The following PRKCE variants were observed in gnomAD, a reference collection of about 807,000 sequenced individuals.
PRKCE encodes protein kinase C epsilon.
PRKCE carries 16 observed loss-of-function variants against 85.4 expected under a neutral mutation model. That is an observed-to-expected ratio of 0.19 (90% confidence interval 0.13 to 0.28). PRKCE has a LOEUF of 0.28. Ranked by LOEUF, PRKCE falls within the 10% of genes least tolerant of loss-of-function variation. The pLI is 1.00. For missense variants in PRKCE, 573 were observed against 975.2 expected (o/e 0.59, Z 5.49); for synonymous variants, 388 against 371.5 (o/e 1.04, Z -0.51).
chr2:45,752,389 C>T (rs1440645026), intron 1 of PRKCE, among the ~76,000 whole-genome samples: 1 of 152,218 alleles, frequency 6.6e-6, no homozygotes, highest in Non-Finnish European at 1.5e-5. Flanking sequence ...CAACCCTGTG[C>T]TGAACTGCTT....
At chr2:45,660,210 C>T (rs146938723) in intron 1 of PRKCE, among the ~76,000 whole-genome samples, 216 of 152,122 alleles carry the variant, frequency 1.4e-3, no homozygotes, top group Non-Finnish European at 1.7e-3. Context: ...TCGATAGAAA[C>T]CAGTTGAATG....
intron 10 of PRKCE, among the ~76,000 whole-genome samples, chr2:46,012,478 C>A (rs1208395496): frequency 1.3e-5 from 2 of 152,178 alleles, no homozygotes; most frequent in African/African-American, 4.8e-5. Flanking sequence ...TTGCTAGTTT[C>A]TTGTGCCTGA....
At chr2:45,676,192 C>T (rs1388630751) in intron 1 of PRKCE, 2 of 152,164 alleles carry the variant, frequency 1.3e-5, no homozygotes, top group Non-Finnish European at 2.9e-5. Context: ...TGGTAAGTTT[C>T]CCAGTCTCAA....
At chr2:45,936,792 G>A (rs1267783424) in intron 2 of PRKCE, among the ~76,000 whole-genome samples, 1 of 152,212 alleles carries the variant, frequency 6.6e-6, no homozygotes, top group African/African-American at 2.4e-5. Flanking sequence ...TTTTCCACTG[G>A]TGTAGGGAAT....
chr2:45,698,557 A>G (rs1431247907), intron 1 of PRKCE, among the ~76,000 whole-genome samples: 2 of 151,730 alleles, frequency 1.3e-5, no homozygotes, highest in African/African-American at 4.9e-5. Flanking sequence ...GTTGCAAACA[A>G]CAGTGAGCAC....
intron 2 of PRKCE, among the ~76,000 whole-genome samples, chr2:45,878,799 A>T (rs569404032): frequency 6.6e-6 from 1 of 152,350 alleles, no homozygotes; most frequent in Admixed American, 6.5e-5. Context: ...GCTTTAAAAG[A>T]TGCACTTATT....
At chr2:46,101,344 G>A (rs975158246) in intron 11 of PRKCE, among the ~76,000 whole-genome samples, 1 of 152,204 alleles carries the variant, frequency 6.6e-6, no homozygotes, top group Admixed American at 6.5e-5. Context: ...TTTAGAAAAA[G>A]TCAAGGAAGG....
At chr2:45,949,626 A>C (rs1700485447) in intron 2 of PRKCE, among the ~76,000 whole-genome samples, 1 of 150,676 alleles carries the variant, frequency 6.6e-6, no homozygotes, top group Non-Finnish European at 1.5e-5. Context: ...CCCCTATCTA[A>C]ATGACACAAA....
intron 1 of PRKCE, among the ~76,000 whole-genome samples, chr2:45,736,775 T>C (rs1292814064): frequency 6.6e-6 from 1 of 152,216 alleles, no homozygotes; most frequent in Non-Finnish European, 1.5e-5. Flanking sequence ...GAAGGACATT[T>C]CTGTGGGAAG....
At chr2:45,656,933 A>G (rs1675405807) in intron 1 of PRKCE, among the ~76,000 whole-genome samples, 1 of 152,242 alleles carries the variant, frequency 6.6e-6, no homozygotes, top group South Asian at 2.1e-4. Context: ...TGTGTGAACT[A>G]GAAGTATTGG....
At position 45,959,217 on chromosome 2, in the gene PRKCE, C is replaced by G. The variant is rs78543658; in HGVS notation, c.413-17212C>G. Among the ~76,000 whole-genome samples, 299 of 152,274 alleles carry G rather than the reference C, an allele frequency of 2.0e-3. 3 individuals are homozygous for G. The highest frequency in any genetic ancestry group is 6.8e-3 in the African/African-American group (284 of 41,562). On this transcript the variant is annotated intron_variant, in intron 2 of 14. Coordinates refer to ENST00000306156, the MANE Select transcript of PRKCE (RefSeq NM_005400.3). ...GACAGTAGATGCAGGAAGACCTCTACTTCCAAGGAATTATTTGTGCCAGAC... is the reference window on the plus strand; with the variant it reads ...GACAGTAGATGCAGGAAGACCTCTAGTTCCAAGGAATTATTTGTGCCAGAC...
At chr2:46,117,753 G>A (rs1157122084) in intron 11 of PRKCE, among the ~76,000 whole-genome samples, 1 of 152,142 alleles carries the variant, frequency 6.6e-6, no homozygotes, top group Admixed American at 6.5e-5. Flanking sequence ...ACATAGGAAG[G>A]GCTTAGTAAT....
intron 14 of PRKCE, among the ~76,000 whole-genome samples, chr2:46,166,054 C>T (rs1217708393): frequency 6.6e-6 from 1 of 152,250 alleles, no homozygotes; most frequent in Non-Finnish European, 1.5e-5. Flanking sequence ...ACCTCATGAT[C>T]CGTTTCCATC....
At chr2:45,953,488 C>T (rs1558879297) in intron 2 of PRKCE, among the ~76,000 whole-genome samples, 1 of 152,202 alleles carries the variant, frequency 6.6e-6, no homozygotes, top group Non-Finnish European at 1.5e-5. Context: ...TTCCCCTCCT[C>T]TGGAACACCT....
At chr2:45,731,584 G>A (rs1681577088) in intron 1 of PRKCE, among the ~76,000 whole-genome samples, 1 of 150,592 alleles carries the variant, frequency 6.6e-6, no homozygotes, top group African/African-American at 2.4e-5. Context: ...GGAAACCTAA[G>A]CCTGAAAACC....
intron 4 of PRKCE, among the ~76,000 whole-genome samples, chr2:45,979,399 C>T (rs534115686): frequency 3.3e-5 from 5 of 152,336 alleles, no homozygotes; most frequent in Middle Eastern, 3.4e-3. Context: ...CCTGAAGAAG[C>T]TTCCTCGCCT....
intron 14 of PRKCE, among the ~76,000 whole-genome samples, chr2:46,183,141 C>G (rs1004876328): frequency 1.3e-5 from 2 of 152,172 alleles, no homozygotes; most frequent in African/African-American, 4.8e-5. Context: ...TTCTGCAGAC[C>G]CTGCTCTCAG....
At position 45,986,994 on chromosome 2, in the gene PRKCE, G is replaced by A. The variant is rs567425778; in HGVS notation, c.823+2314G>A. ...ATTAGTGTGGTTGCCGGGAAGCAGG[G>A]CCTGCTTTGGAGGGAACCCTGATGA... is the stretch of plus-strand genomic sequence containing the variant. On this transcript the variant is annotated intron_variant, in intron 6 of 14. Coordinates refer to ENST00000306156, the MANE Select transcript of PRKCE (RefSeq NM_005400.3). Among the ~76,000 whole-genome samples, 15 of 151,688 alleles carry A rather than the reference G, an allele frequency of 9.9e-5. No homozygotes were observed. In the East Asian group the frequency reaches 2.9e-3, roughly 30 times the overall value.
At chr2:45,785,898 T>C (rs1220229897) in intron 1 of PRKCE, among the ~76,000 whole-genome samples, 1 of 152,032 alleles carries the variant, frequency 6.6e-6, no homozygotes, top group Non-Finnish European at 1.5e-5. Flanking sequence ...GACTGAGCTG[T>C]TGGAGTAAGA....
Sources: gnomAD v4.1 joint callset for allele counts (sites outside exome capture counted in the v4.1 genomes callset) on GRCh38, gnomAD v4.1.1 for gene constraint, MANE v1.5 for transcripts, NCBI Gene and HGNC (gene_info 2026-07-23, HGNC 2026-07-21) for gene names.